UBE2D2: variants seen among roughly 807,000 people sequenced by gnomAD.
The protein encoded by UBE2D2 is ubiquitin-conjugating enzyme E2 D2.
UBE2D2 carries 2 observed loss-of-function variants against 24.2 expected under a neutral mutation model. The observed-to-expected ratio is 0.08, with a 90% CI of 0.03 to 0.26. The LOEUF (loss-of-function observed/expected upper bound fraction) is 0.26, where lower values mean the gene tolerates loss of function less well. Ranked by LOEUF, UBE2D2 falls within the 10% of genes least tolerant of loss-of-function variation. The probability of loss-of-function intolerance (pLI) is 1.00; values close to 1 mark genes in which losing one functional copy is unlikely to be tolerated. For synonymous variants in UBE2D2, 58 were observed against 56.5 expected, an observed-to-expected ratio of 1.03 and a Z score of -0.12; for missense variants, 44 against 177.6, an observed-to-expected ratio of 0.25 and a Z score of 4.28.
intron 1 of UBE2D2, among the ~76,000 whole-genome samples, chr5:139,562,600 G>A (rs1753135759): frequency 1.3e-5 from 2 of 152,076 alleles, no homozygotes; most frequent in Non-Finnish European, 2.9e-5. Flanking sequence ...TCCTTTCACA[G>A]CCTCTTCGCA....
At chr5:139,625,405 G>A (rs978276403) in intron 6 of UBE2D2, among the ~76,000 whole-genome samples, 9 of 122,644 alleles carry the variant, frequency 7.3e-5, no homozygotes, top group African/African-American at 2.2e-4. Flanking sequence ...ATGAGTTACC[G>A]TGCAAGGCCA....
chr5:139,562,282 G>A, intron 1 of UBE2D2: 9 of 1,355,360 alleles, frequency 6.6e-6, no homozygotes, highest in Non-Finnish European at 8.8e-6. Flanking sequence ...GCTGACAGAG[G>A]AAGCCGTTTT....
At chr5:139,610,882 C>G (rs1754303780) in intron 2 of UBE2D2, among the ~76,000 whole-genome samples, 1 of 151,982 alleles carries the variant, frequency 6.6e-6, no homozygotes, top group Non-Finnish European at 1.5e-5. Flanking sequence ...GAGCAGTGTA[C>G]AAGCAGTGGC....
chr5:139,587,926 G>T (rs1403183357), intron 1 of UBE2D2, among the ~76,000 whole-genome samples: 2 of 152,032 alleles, frequency 1.3e-5, no homozygotes, highest in African/African-American at 4.8e-5. Context: ...GATTGGTCGG[G>T]TATTAGCTAA....
intron 1 of UBE2D2, among the ~76,000 whole-genome samples, chr5:139,586,959 T>A (rs1271050234): frequency 6.6e-6 from 1 of 152,114 alleles, no homozygotes; most frequent in Non-Finnish European, 1.5e-5. Context: ...TAGGCTGAAG[T>A]ACAGTGGCAC....
intron 2 of UBE2D2, among the ~76,000 whole-genome samples, chr5:139,611,416 G>C (rs953887741): frequency 6.6e-6 from 1 of 151,980 alleles, no homozygotes; most frequent in Non-Finnish European, 1.5e-5. Flanking sequence ...TCGAACTCCT[G>C]ACCTCAGGTG....
chr5:139,618,912 T>C (rs1754464980), intron 5 of UBE2D2, among the ~76,000 whole-genome samples: 2 of 152,178 alleles, frequency 1.3e-5, no homozygotes, highest in South Asian at 2.1e-4. Context: ...CTTTAACATA[T>C]AGTCTGTCTT....
At chr5:139,592,118 C>T (rs1027412354) in intron 1 of UBE2D2, among the ~76,000 whole-genome samples, 6 of 152,110 alleles carry the variant, frequency 3.9e-5, no homozygotes, top group African/African-American at 1.4e-4. Context: ...AGGAGAATTG[C>T]TTGAACTTGG....
intron 1 of UBE2D2, among the ~76,000 whole-genome samples, chr5:139,575,547 A>G (rs1176693756): frequency 6.6e-6 from 1 of 152,216 alleles, no homozygotes; most frequent in African/African-American, 2.4e-5. Flanking sequence ...TGTCACCTTA[A>G]TATGTTTTTA....
intron 1 of UBE2D2, among the ~76,000 whole-genome samples, chr5:139,529,316 A>G (rs1222243739): frequency 1.2e-4 from 18 of 152,142 alleles, no homozygotes; most frequent in Admixed American, 1.1e-3. Context: ...AAGTAAAGTA[A>G]TAGCTAGAAC....
chr5:139,531,490 C>T (rs535757189), intron 1 of UBE2D2, among the ~76,000 whole-genome samples: 6 of 152,002 alleles, frequency 3.9e-5, no homozygotes, highest in East Asian at 3.9e-4. Context: ...AGTAGCTTGC[C>T]GATGCTCCCA....
rs374513997 is a variant in UBE2D2 at position 139,611,839 on chromosome 5, CA to C, written c.89-2745del. On this transcript the variant is annotated intron_variant, in intron 2 of 6. Coordinates refer to ENST00000398733, the MANE Select transcript of UBE2D2 (RefSeq NM_003339.3). Reference sequence around the variant, plus strand: ...ACACAAGTTAAAATGGAAAAACTGCCAATACCTGATTTCTGTCCCCTGTTTT... The same window carrying C: ...ACACAAGTTAAAATGGAAAAACTGCCATACCTGATTTCTGTCCCCTGTTTT... 1.3e-4 allele frequency among the ~76,000 whole-genome samples: 20 copies of C among 152,238 alleles called. 2 individuals carry two copies. The highest frequency in any genetic ancestry group is 4.6e-4 in the African/African-American group (19 of 41,532).
chr5:139,535,016 G>A (rs951043026), intron 1 of UBE2D2, among the ~76,000 whole-genome samples: 1 of 151,978 alleles, frequency 6.6e-6, no homozygotes, highest in Admixed American at 6.6e-5. Context: ...GTACATGCCT[G>A]TAGTCCCAGC....
chr5:139,530,043 G>GC (rs1469918486), intron 1 of UBE2D2, among the ~76,000 whole-genome samples: 1 of 152,126 alleles, frequency 6.6e-6, no homozygotes, highest in Non-Finnish European at 1.5e-5. Flanking sequence ...GGACAGTATT[G>GC]CATAGCTAGA....
At chr5:139,589,934 G>A (rs1415372532) in intron 1 of UBE2D2, among the ~76,000 whole-genome samples, 1 of 151,934 alleles carries the variant, frequency 6.6e-6, no homozygotes, top group Middle Eastern at 3.2e-3. Flanking sequence ...ACAGGTGCCC[G>A]CCACCACACC....
intron 2 of UBE2D2, among the ~76,000 whole-genome samples, chr5:139,613,450 A>G (rs1428389272): frequency 6.6e-6 from 1 of 152,224 alleles, no homozygotes; most frequent in Non-Finnish European, 1.5e-5. Flanking sequence ...TGATGCACTT[A>G]GTAGCATGAG....
At chr5:139,538,365 G>A (rs1450182947) in intron 1 of UBE2D2, among the ~76,000 whole-genome samples, 5 of 152,148 alleles carry the variant, frequency 3.3e-5, no homozygotes, top group African/African-American at 9.7e-5. Flanking sequence ...TAGCCAAAAG[G>A]TAGAAGTAAC....
At chr5:139,599,058 A>G (rs1434736873) in intron 1 of UBE2D2, among the ~76,000 whole-genome samples, 1 of 149,794 alleles carries the variant, frequency 6.7e-6, no homozygotes, top group Non-Finnish European at 1.5e-5. Flanking sequence ...CCTCCCGAGT[A>G]GCTGGGACTA....
Position 139,627,065 on chromosome 5 carries a change from A to G in UBE2D2, c.*264A>G, listed in dbSNP as rs963715439. On this transcript the variant is annotated 3_prime_UTR_variant, in exon 7 of 7. Transcript: ENST00000398733. ...TCTACAGGCATTACCTAGGTGTGAGACTAAAAGCTTTTCTTATTGACTTAA... is the reference window on the plus strand; with the variant it reads ...TCTACAGGCATTACCTAGGTGTGAGGCTAAAAGCTTTTCTTATTGACTTAA... 1 of 385,256 alleles carries G rather than the reference A, an allele frequency of 2.6e-6. No individual in the cohort carries two copies. The highest frequency in any genetic ancestry group is 2.1e-5 in the African/African-American group (1 of 48,074). The allele number at this position is 385,256 out of a possible 1,614,324, so 23.9% of individuals were successfully genotyped here.
Sources: allele counts gnomAD v4.1 joint callset (sites outside exome capture counted in the v4.1 genomes callset), GRCh38; gene constraint gnomAD v4.1.1; transcripts MANE v1.5; gene names NCBI Gene and HGNC (gene_info 2026-07-23, HGNC 2026-07-21).